The following TBC1D22A variants were observed in gnomAD, a reference collection of about 807,000 sequenced individuals.
TBC1D22A encodes the protein putative GTPase activator.
TBC1D22A carries 38 observed loss-of-function variants against 60.2 expected under a neutral mutation model. The observed-to-expected ratio is 0.63, with a 90% confidence interval of 0.49 to 0.83. The LOEUF (loss-of-function observed/expected upper bound fraction) is 0.83, where lower values mean the gene tolerates loss of function less well. TBC1D22A is among the 40% of genes least tolerant of loss of function. The probability of loss-of-function intolerance (pLI) is 0.00; values close to 1 mark genes in which losing one functional copy is unlikely to be tolerated. For synonymous variants in TBC1D22A, 302 were observed against 281.7 expected (o/e 1.07, Z -0.72); for missense variants, 628 against 701.0 (o/e 0.90, Z 1.18).
intron 11 of TBC1D22A, among the ~76,000 whole-genome samples, chr22:47,069,670 CGGCTGTTCCCTGTTGTTTGGTTGG>C (rs2063892746): frequency 3.2e-5 from 4 of 123,378 alleles, no homozygotes; most frequent in Non-Finnish European, 6.7e-5. Context: ...TGACGGTTCC[CGGCTGTTCCCTGTTGTTTGGTTGG>C]AGCGGGGCTG....
intron 5 of TBC1D22A, among the ~76,000 whole-genome samples, chr22:46,885,045 A>T (rs2147544453): frequency 6.6e-6 from 1 of 152,364 alleles, no homozygotes; most frequent in African/African-American, 2.4e-5. Context: ...ATTGTCACAG[A>T]GTCTCTAGAG....
rs569198369 is a variant in TBC1D22A at position 46,905,820 on chromosome 22, G to C, written c.901-6254G>C. Among the ~76,000 whole-genome samples the C allele has an allele frequency of 2.3e-3, 357 of 152,318 alleles. 5 individuals are homozygous for C. Among genetic ancestry groups the C allele is most frequent in the Non-Finnish European group, 4.2e-3 (289 of 68,024 alleles). On this transcript the variant is annotated intron_variant, in intron 7 of 12. Transcript: ENST00000337137. ...TCAGTGGTCCTTCTCCATCCTTCTG[G>C]GGGCATGACCTTCCCGTGTCCCAGA...
chr22:47,016,211 C>T (rs1402511372), intron 10 of TBC1D22A, among the ~76,000 whole-genome samples: 7 of 152,164 alleles, frequency 4.6e-5, no homozygotes, highest in Admixed American at 4.6e-4. Context: ...TGTTTCAGCC[C>T]TGGGAACTTT....
At chr22:46,773,308 G>A (rs74764259) in intron 1 of TBC1D22A, among the ~76,000 whole-genome samples, 13,458 of 152,214 alleles carry the variant, frequency 0.088, 699 homozygotes, top group Middle Eastern at 0.13. Flanking sequence ...ACCCACCTGC[G>A]TAGTTCTTTT....
intron 10 of TBC1D22A, among the ~76,000 whole-genome samples, chr22:47,022,620 A>C (rs1431938859): frequency 6.6e-6 from 1 of 152,146 alleles, no homozygotes; most frequent in Non-Finnish European, 1.5e-5. Flanking sequence ...TCAGGTATTA[A>C]GCTGAATACT....
chr22:47,064,505 A>G (rs562759917), intron 11 of TBC1D22A, among the ~76,000 whole-genome samples: 1 of 152,238 alleles, frequency 6.6e-6, no homozygotes, highest in Non-Finnish European at 1.5e-5. Flanking sequence ...GTGGTAGTAC[A>G]TTTTCAGAAA....
intron 12 of TBC1D22A, among the ~76,000 whole-genome samples, chr22:47,129,656 G>A (rs1989068420): frequency 6.6e-6 from 1 of 152,220 alleles, no homozygotes; most frequent in Admixed American, 6.5e-5. Flanking sequence ...ACTGAAAGAT[G>A]AGAGGGGCAG....
intron 4 of TBC1D22A, among the ~76,000 whole-genome samples, chr22:46,866,808 T>C (rs529137268): frequency 6.6e-6 from 1 of 152,360 alleles, no homozygotes; most frequent in South Asian, 2.1e-4. Flanking sequence ...GCTGTGCTAG[T>C]GCAGCAGGCA....
At chr22:46,794,833 C>T (rs116008992) in intron 3 of TBC1D22A, among the ~76,000 whole-genome samples, 2,090 of 152,202 alleles carry the variant, frequency 0.014, 49 homozygotes, top group African/African-American at 0.049. Flanking sequence ...GGGGCAGGGG[C>T]GAAGTCCAGC....
chr22:47,163,843 G>C (rs2068089199), intron 12 of TBC1D22A, among the ~76,000 whole-genome samples: 2 of 152,346 alleles, frequency 1.3e-5, no homozygotes, highest in South Asian at 4.1e-4. Flanking sequence ...CACTGAGCAG[G>C]GTTCATGAGC....
chr22:47,008,689 G>A (rs2061659919), intron 10 of TBC1D22A, among the ~76,000 whole-genome samples: 1 of 152,250 alleles, frequency 6.6e-6, no homozygotes, highest in South Asian at 2.1e-4. Flanking sequence ...TGCCCAGGGT[G>A]CTTCCTGATG....
intron 11 of TBC1D22A, among the ~76,000 whole-genome samples, chr22:47,065,329 A>G (rs1178575093): frequency 1.3e-5 from 2 of 152,146 alleles, no homozygotes; most frequent in African/African-American, 4.8e-5. Flanking sequence ...TCTCAATTAT[A>G]AATTAAGGTT....
intron 7 of TBC1D22A, among the ~76,000 whole-genome samples, chr22:46,903,078 C>T (rs769198641): frequency 7.2e-5 from 11 of 152,176 alleles, no homozygotes; most frequent in African/African-American, 1.7e-4. Flanking sequence ...TTTCCTGGCC[C>T]GGTTGGGCCG....
intron 7 of TBC1D22A, among the ~76,000 whole-genome samples, chr22:46,906,779 C>CTGTGTGTGTGTGTGTG (rs148450942): frequency 2.4e-4 from 36 of 149,178 alleles, no homozygotes; most frequent in African/African-American, 8.4e-4. Flanking sequence ...GGACCCTGAA[C>CTGTGTGTGTGTGTGTG]TGTGTGTGTG....
intron 4 of TBC1D22A, among the ~76,000 whole-genome samples, chr22:46,863,415 A>T (rs1602210448): frequency 2.0e-5 from 3 of 152,158 alleles, no homozygotes; most frequent in Non-Finnish European, 2.9e-5. Context: ...GGTGGTGCAT[A>T]CTAATTCCCA....
At chr22:47,025,097 CTG>C (rs2062212426) in intron 10 of TBC1D22A, among the ~76,000 whole-genome samples, 2 of 152,160 alleles carry the variant, frequency 1.3e-5, no homozygotes, top group African/African-American at 2.4e-5. Context: ...TCCAATAAGA[CTG>C]TATCAAAATA....
chr22:47,095,624 G>A (rs1249252098), intron 11 of TBC1D22A, among the ~76,000 whole-genome samples: 1 of 44,830 alleles, frequency 2.2e-5, no homozygotes, highest in Non-Finnish European at 3.8e-5. Flanking sequence ...GGATTTCCCC[G>A]TCTCCCAACT....
chr22:47,090,788 TG>T (rs2064895114), intron 11 of TBC1D22A, among the ~76,000 whole-genome samples: 1 of 81,062 alleles, frequency 1.2e-5, no homozygotes. Flanking sequence ...TCGTCTTTGG[TG>T]GGGAGTGGCC....
At chr22:46,986,113 T>G (rs1029075420) in intron 9 of TBC1D22A, among the ~76,000 whole-genome samples, 1 of 152,246 alleles carries the variant, frequency 6.6e-6, no homozygotes, top group African/African-American at 2.4e-5. Context: ...TCAGGCTTCA[T>G]TTTTTCCTCT....
Sources: allele counts gnomAD v4.1 joint callset (sites outside exome capture counted in the v4.1 genomes callset), GRCh38; gene constraint gnomAD v4.1.1; transcripts MANE v1.5; gene names NCBI Gene and HGNC (gene_info 2026-07-23, HGNC 2026-07-21).